Variants in ADGRB3 observed in about 807,000 individuals in gnomAD.
The protein encoded by ADGRB3 is adhesion G protein-coupled receptor B3.
In ADGRB3, 37 loss-of-function variants were observed where a neutral mutation model predicts 193.4. The ratio of observed to expected loss-of-function variants is 0.19; its 90% CI spans 0.15 to 0.25. The LOEUF is 0.25. Among genes scored for constraint, ADGRB3 ranks in the 10% least tolerant of loss-of-function variants. The pLI is 1.00. For synonymous variants in ADGRB3, 690 were observed against 644.2 expected, an observed-to-expected ratio of 1.07 and a Z score of -1.08; for missense variants, 1,637 against 1,852.9, an observed-to-expected ratio of 0.88 and a Z score of 2.14.
chr6:69,046,136 A>C (rs942313765), intron 13 of ADGRB3, among the ~76,000 whole-genome samples: 29 of 152,102 alleles, frequency 1.9e-4, no homozygotes, highest in African/African-American at 7.0e-4. Flanking sequence ...TTTTCCATCT[A>C]ATGTGTATAG....
chr6:69,291,398 G>A (rs1767663064), intron 20 of ADGRB3, among the ~76,000 whole-genome samples: 1 of 152,130 alleles, frequency 6.6e-6, no homozygotes, highest in Admixed American at 6.6e-5. Context: ...AAGGTGAAAG[G>A]AGGTTTGGTA....
chr6:68,693,756 G>A (rs926368735), intron 3 of ADGRB3, among the ~76,000 whole-genome samples: 19 of 152,020 alleles, frequency 1.2e-4, no homozygotes, highest in African/African-American at 2.9e-4. Context: ...ATCTATTGAC[G>A]CATACCGCAG....
At chr6:68,913,323 G>T (rs1442049615) in intron 3 of ADGRB3, among the ~76,000 whole-genome samples, 1 of 152,136 alleles carries the variant, frequency 6.6e-6, no homozygotes, top group Admixed American at 6.6e-5. Context: ...ACCTCACACG[G>T]CCGGGTACTC....
intron 21 of ADGRB3, 76 bp from the exon 22 acceptor site, chr6:69,327,744 T>C (rs1582634654): frequency 8.0e-7 from 1 of 1,256,176 alleles, no homozygotes; most frequent in East Asian, 2.5e-5. Context: ...ACCTGGAGTT[T>C]GTTCTGGCTT....
intron 17 of ADGRB3, among the ~76,000 whole-genome samples, chr6:69,132,937 G>C (rs1774051163): frequency 6.6e-6 from 1 of 152,108 alleles, no homozygotes; most frequent in Non-Finnish European, 1.5e-5. Flanking sequence ...GATAGTTATA[G>C]ATGTGTGGTG....
At chr6:68,944,804 C>G (rs1175206352) in intron 6 of ADGRB3, among the ~76,000 whole-genome samples, 1 of 152,074 alleles carries the variant, frequency 6.6e-6, no homozygotes, top group Non-Finnish European at 1.5e-5. Flanking sequence ...TCAGGGTTAG[C>G]AAAGACACAT....
rs1766515830 is a variant in ADGRB3, at chr6:68,766,820, AT to A, written c.757+127389del. Among the ~76,000 whole-genome samples, 3 of 152,012 alleles carry A rather than the reference AT, an allele frequency of 2.0e-5. No homozygotes were observed. The South Asian group carries it at 6.2e-4, about 32-fold the overall frequency. On this transcript the variant is annotated intron_variant, in intron 3 of 31. Coordinates refer to ENST00000370598, the MANE Select transcript of ADGRB3 (RefSeq NM_001704.3). ...AAGTTGCAGCTTATTTATGCTGCAA[AT>A]ATATAGTATCTGTATATGATTAAAA...
intron 3 of ADGRB3, among the ~76,000 whole-genome samples, chr6:68,818,465 T>A (rs982991437): frequency 5.3e-5 from 8 of 151,970 alleles, no homozygotes; most frequent in African/African-American, 1.9e-4. Flanking sequence ...GAAAGCAATG[T>A]TGAAGAATGA....
intron 20 of ADGRB3, among the ~76,000 whole-genome samples, chr6:69,254,575 A>T (rs375444512): frequency 6.6e-6 from 1 of 152,146 alleles, no homozygotes; most frequent in Non-Finnish European, 1.5e-5. Context: ...AGAAAAAATG[A>T]TGCATTTTCT....
chr6:68,814,409 T>A (rs532196709), intron 3 of ADGRB3, among the ~76,000 whole-genome samples: 1 of 152,314 alleles, frequency 6.6e-6, no homozygotes, highest in South Asian at 2.1e-4. Context: ...GTGTTGTTTG[T>A]TTTTTTCTTG....
chr6:68,781,743 G>A (rs891459077), intron 3 of ADGRB3, among the ~76,000 whole-genome samples: 1 of 152,032 alleles, frequency 6.6e-6, no homozygotes, highest in Non-Finnish European at 1.5e-5. Context: ...CTTAGAGCTG[G>A]AGGGACAAAG....
intron 4 of ADGRB3, among the ~76,000 whole-genome samples, chr6:68,934,561 T>A (rs950974975): frequency 6.6e-6 from 1 of 152,188 alleles, no homozygotes; most frequent in Non-Finnish European, 1.5e-5. Context: ...TCCACATTGT[T>A]CATAATTTTC....
intron 23 of ADGRB3, 69 bp from the exon 24 acceptor site, chr6:69,332,854 T>A (rs1768758548): frequency 6.3e-7 from 1 of 1,580,512 alleles, no homozygotes; most frequent in African/African-American, 1.4e-5. Context: ...AAAATAGGAT[T>A]TTCAGGAGAA....
chr6:69,143,975 A>G (rs1175646686), intron 17 of ADGRB3, among the ~76,000 whole-genome samples: 1 of 152,210 alleles, frequency 6.6e-6, no homozygotes, highest in East Asian at 1.9e-4. Context: ...TTTGGGTAAC[A>G]TGGATATTTT....
chr6:69,245,689 G>A (rs1766484267), intron 20 of ADGRB3, among the ~76,000 whole-genome samples: 1 of 151,964 alleles, frequency 6.6e-6, no homozygotes, highest in South Asian at 2.1e-4. Flanking sequence ...TTTGTCTCAA[G>A]CTCATTCTCT....
chr6:68,769,919 C>T (rs56998424), intron 3 of ADGRB3, among the ~76,000 whole-genome samples: 4,708 of 152,082 alleles, frequency 0.031, 132 homozygotes, highest in African/African-American at 0.067. Context: ...GATGAATTTT[C>T]CAAATTGTTC....
At chr6:68,910,167 C>G (rs1224404446) in intron 3 of ADGRB3, among the ~76,000 whole-genome samples, 4 of 152,184 alleles carry the variant, frequency 2.6e-5, no homozygotes, top group African/African-American at 9.7e-5. Context: ...TGATGATGAG[C>G]ATTTTTTCAT....
At chr6:68,911,364 G>A (rs1051867699) in intron 3 of ADGRB3, among the ~76,000 whole-genome samples, 5 of 151,748 alleles carry the variant, frequency 3.3e-5, no homozygotes, top group Admixed American at 1.3e-4. Context: ...ACATGTATAC[G>A]TATGTAACAA....
intron 15 of ADGRB3, among the ~76,000 whole-genome samples, chr6:69,051,481 A>G (rs1323276045): frequency 6.6e-6 from 1 of 152,234 alleles, no homozygotes; most frequent in East Asian, 1.9e-4. Flanking sequence ...AAATGTCTAT[A>G]GGACAACTAA....
Sources: allele counts gnomAD v4.1 joint callset (sites outside exome capture counted in the v4.1 genomes callset), GRCh38; gene constraint gnomAD v4.1.1; transcripts MANE v1.5; gene names NCBI Gene and HGNC (gene_info 2026-07-23, HGNC 2026-07-21).